Variants in JAZF1 observed in about 807,000 individuals in gnomAD.
JAZF1 encodes juxtaposed with another zinc finger protein 1.
In JAZF1, 8 loss-of-function variants were observed where a neutral mutation model predicts 26.4. The ratio of observed to expected loss-of-function variants is 0.30; its 90% CI spans 0.18 to 0.55. The LOEUF (loss-of-function observed/expected upper bound fraction) is 0.55, where lower values mean the gene tolerates loss of function less well. Ranked by LOEUF, JAZF1 falls within the 20% of genes least tolerant of loss-of-function variation. The pLI is 0.94. For synonymous variants in JAZF1, 126 were observed against 122.3 expected, an observed-to-expected ratio of 1.03 and a Z score of -0.20; for missense variants, 199 against 322.0, an observed-to-expected ratio of 0.62 and a Z score of 2.92.
intron 4 of JAZF1, among the ~76,000 whole-genome samples, chr7:27,837,555 G>A (rs371158271): frequency 1.3e-5 from 2 of 152,296 alleles, no homozygotes; most frequent in Admixed American, 6.5e-5. Flanking sequence ...GGGAAATGGC[G>A]CCTCAATGTA....
intron 1 of JAZF1, among the ~76,000 whole-genome samples, chr7:28,035,190 G>A (rs908616135): frequency 2.6e-5 from 4 of 151,176 alleles, no homozygotes; most frequent in Non-Finnish European, 4.4e-5. Flanking sequence ...GGTGGTGGGC[G>A]CCTGTAATCC....
At chr7:28,034,352 A>G (rs1783248151) in intron 1 of JAZF1, among the ~76,000 whole-genome samples, 1 of 152,094 alleles carries the variant, frequency 6.6e-6, no homozygotes, top group South Asian at 2.1e-4. Flanking sequence ...TGCTTTTAAG[A>G]CAAACAACAG....
At chr7:27,937,709 A>T (rs973217731) in intron 2 of JAZF1, among the ~76,000 whole-genome samples, 2 of 152,238 alleles carry the variant, frequency 1.3e-5, no homozygotes, top group African/African-American at 4.8e-5. Flanking sequence ...GCTATGAAAA[A>T]GCTTTATATT....
chr7:28,139,452 G>A (rs1782931477), intron 1 of JAZF1, among the ~76,000 whole-genome samples: 1 of 152,214 alleles, frequency 6.6e-6, no homozygotes, highest in South Asian at 2.1e-4. Context: ...TGTGATTGGT[G>A]TCCCTATAAA....
At chr7:28,033,232 C>G (rs1200633915) in intron 1 of JAZF1, among the ~76,000 whole-genome samples, 1 of 151,944 alleles carries the variant, frequency 6.6e-6, no homozygotes, top group African/African-American at 2.4e-5. Context: ...ATCGATTATG[C>G]GATCAAAAGT....
chr7:27,903,867 T>G (rs561746105), intron 2 of JAZF1, among the ~76,000 whole-genome samples: 20 of 152,304 alleles, frequency 1.3e-4, no homozygotes, highest in African/African-American at 4.6e-4. Flanking sequence ...TATGCTTCAT[T>G]TGAAGTTCAA....
intron 1 of JAZF1, among the ~76,000 whole-genome samples, chr7:28,116,234 G>A (rs1028909650): frequency 6.6e-6 from 1 of 152,286 alleles, no homozygotes; most frequent in African/African-American, 2.4e-5. Flanking sequence ...GGCCGAACTG[G>A]CCTTCATGAG....
At chr7:28,108,354 A>C (rs1784586634) in intron 1 of JAZF1, among the ~76,000 whole-genome samples, 1 of 152,190 alleles carries the variant, frequency 6.6e-6, no homozygotes. Flanking sequence ...GTTTCAAATG[A>C]GGAGCCTCGT....
intron 1 of JAZF1, among the ~76,000 whole-genome samples, chr7:28,036,584 A>T (rs1418818642): frequency 2.0e-5 from 3 of 152,220 alleles, no homozygotes; most frequent in Non-Finnish European, 2.9e-5. Flanking sequence ...AGGTAGGGTC[A>T]TCTCTGGAGG....
chr7:28,126,595 G>A (rs752621666), intron 1 of JAZF1, among the ~76,000 whole-genome samples: 3 of 152,240 alleles, frequency 2.0e-5, no homozygotes, highest in Admixed American at 6.5e-5. Context: ...TGAGTGTGAC[G>A]CAGAACAGGA....
chr7:28,008,640 C>A (rs933034360), intron 1 of JAZF1, among the ~76,000 whole-genome samples: 1 of 152,162 alleles, frequency 6.6e-6, no homozygotes, highest in Non-Finnish European at 1.5e-5. Context: ...AAAACAGAAA[C>A]CTGAATTATT....
chr7:28,054,639 A>C (rs1562571874), intron 1 of JAZF1, among the ~76,000 whole-genome samples: 1 of 152,140 alleles, frequency 6.6e-6, no homozygotes, highest in East Asian at 1.9e-4. Flanking sequence ...CCTTTAGGAA[A>C]CCCAGGGCCT....
At chr7:28,042,469 G>A (rs1372812278) in intron 1 of JAZF1, among the ~76,000 whole-genome samples, 1 of 152,178 alleles carries the variant, frequency 6.6e-6, no homozygotes, top group Non-Finnish European at 1.5e-5. Context: ...ATGGGTTAAG[G>A]CTGGGGAGGT....
intron 1 of JAZF1, among the ~76,000 whole-genome samples, chr7:28,045,593 T>G (rs1017836600): frequency 1.1e-4 from 16 of 152,272 alleles, no homozygotes; most frequent in Non-Finnish European, 2.1e-4. Context: ...TTTTGTTTTT[T>G]AGAGACAGGG....
intron 1 of JAZF1, among the ~76,000 whole-genome samples, chr7:28,057,183 C>T (rs1327873381): frequency 1.3e-5 from 2 of 152,094 alleles, no homozygotes; most frequent in African/African-American, 4.8e-5. Context: ...TTAACCCACG[C>T]CTTAGTAAAC....
intron 3 of JAZF1, among the ~76,000 whole-genome samples, chr7:27,849,547 C>A (rs33997146): frequency 0.025 from 3,836 of 152,164 alleles, 140 homozygotes; most frequent in African/African-American, 0.087. Context: ...GTGGTGGGAA[C>A]CTGGGGCAGG....
At chr7:27,908,483 G>A (rs1361164854) in intron 2 of JAZF1, among the ~76,000 whole-genome samples, 1 of 152,134 alleles carries the variant, frequency 6.6e-6, no homozygotes, top group Non-Finnish European at 1.5e-5. Flanking sequence ...TGTTGCAAGA[G>A]TTCAGTTAAA....
intron 1 of JAZF1, among the ~76,000 whole-genome samples, chr7:28,071,375 C>T (rs1472896818): frequency 2.6e-5 from 4 of 152,192 alleles, no homozygotes; most frequent in Non-Finnish European, 5.9e-5. Flanking sequence ...CACCAGCAGG[C>T]GTCTACAGTT....
chr7:27,946,454 G>A (rs999453208), intron 2 of JAZF1, among the ~76,000 whole-genome samples: 2 of 152,156 alleles, frequency 1.3e-5, no homozygotes, highest in African/African-American at 4.8e-5. Flanking sequence ...AACAGCCTTT[G>A]TTTTAACTGA....
Sources: gnomAD v4.1 joint callset for allele counts (sites outside exome capture counted in the v4.1 genomes callset) on GRCh38, gnomAD v4.1.1 for gene constraint, MANE v1.5 for transcripts, NCBI Gene and HGNC (gene_info 2026-07-23, HGNC 2026-07-21) for gene names.